The following SFMBT2 variants were observed in gnomAD, a reference collection of about 807,000 sequenced individuals.
SFMBT2 encodes Scm like with four mbt domains 2, also known as scm-like with four MBT domains protein 2.
A neutral mutation model predicts 110.1 loss-of-function variants in SFMBT2; 38 were observed. The observed-to-expected ratio is 0.35, with a 90% confidence interval of 0.27 to 0.45. SFMBT2 has a LOEUF of 0.45. Among genes scored for constraint, SFMBT2 ranks in the 20% least tolerant of loss-of-function variants. SFMBT2 has a pLI of 1.00. For missense variants in SFMBT2, 1,011 were observed against 1,094.9 expected, an observed-to-expected ratio of 0.92 and a Z score of 1.08; for synonymous variants, 425 against 425.4, an observed-to-expected ratio of 1.00 and a Z score of 0.01.
At chr10:7,228,721 TTCTTTCTTTCTTTCCTTTCTC>T (rs1564395204) in intron 9 of SFMBT2, among the ~76,000 whole-genome samples, 156 of 124,198 alleles carry the variant, frequency 1.3e-3, no homozygotes, top group Admixed American at 1.5e-3. Flanking sequence ...CTTTCTTTCT[TTCTTTCTTTCTTTCCTTTCTC>T]TCTCTCTCTC....
intron 20 of SFMBT2, among the ~76,000 whole-genome samples, chr10:7,165,352 G>T (rs1443287448): frequency 6.6e-6 from 1 of 152,114 alleles, no homozygotes; most frequent in Non-Finnish European, 1.5e-5. Context: ...TTAAACTAAC[G>T]GTTTATTTAG....
At chr10:7,271,854 C>G (rs965193418) in intron 7 of SFMBT2, among the ~76,000 whole-genome samples, 1 of 152,160 alleles carries the variant, frequency 6.6e-6, no homozygotes, top group African/African-American at 2.4e-5. Flanking sequence ...ACCATCAGAT[C>G]TCGTGAGACT....
At chr10:7,323,271 G>A (rs987876757) in intron 4 of SFMBT2, among the ~76,000 whole-genome samples, 2 of 151,986 alleles carry the variant, frequency 1.3e-5, no homozygotes, top group African/African-American at 2.4e-5. Context: ...CCAATATGGT[G>A]AAACTCCGTC....
intron 16 of SFMBT2, among the ~76,000 whole-genome samples, chr10:7,186,804 C>A (rs1410325737): frequency 6.6e-6 from 1 of 152,190 alleles, no homozygotes; most frequent in Non-Finnish European, 1.5e-5. Flanking sequence ...ACTCAACACA[C>A]AGTATCAGAG....
In SFMBT2 at chr10:7,162,064, T is replaced by A. The variant is rs1837563896; in HGVS notation, c.*1706A>T. The A allele has an allele frequency of 6.6e-6, 1 of 152,134 alleles. No individual in the cohort carries two copies. The highest frequency in any genetic ancestry group is 2.1e-4 in the South Asian group (1 of 4,828). 9.4% of individuals were successfully genotyped at this position (152,134 alleles called of 1,614,324 possible). ...CAGCGGAACACTGTAGTCCACAGGG[T>A]CTGAGTGGAGATATGGAATCGCTCA... On this transcript the variant is annotated 3_prime_UTR_variant, in exon 21 of 21. Transcript: ENST00000397167.
At chr10:7,299,335 C>T (rs148794368) in intron 4 of SFMBT2, among the ~76,000 whole-genome samples, 7 of 152,148 alleles carry the variant, frequency 4.6e-5, no homozygotes, top group African/African-American at 1.7e-4. Flanking sequence ...GCAATCTACC[C>T]GTCTGACAAA....
chr10:7,224,847 C>T (rs1490238584), intron 10 of SFMBT2, among the ~76,000 whole-genome samples: 2 of 152,164 alleles, frequency 1.3e-5, no homozygotes, highest in African/African-American at 4.8e-5. Context: ...CTGTAAGTAA[C>T]AGAGACTACT....
At chr10:7,311,642 C>G (rs1001735056) in intron 4 of SFMBT2, among the ~76,000 whole-genome samples, 4 of 152,184 alleles carry the variant, frequency 2.6e-5, no homozygotes, top group African/African-American at 4.8e-5. Context: ...CTACTCACGT[C>G]ATGTTGACAA....
intron 4 of SFMBT2, among the ~76,000 whole-genome samples, chr10:7,290,674 AT>A (rs779300826): frequency 5.8e-4 from 87 of 149,106 alleles, no homozygotes; most frequent in Middle Eastern, 3.5e-3. Flanking sequence ...CATCTCTACA[AT>A]TTTTTTTTTA....
At chr10:7,208,177 G>A (rs72773861) in intron 11 of SFMBT2, among the ~76,000 whole-genome samples, 2,286 of 152,212 alleles carry the variant, frequency 0.015, 31 homozygotes, top group South Asian at 0.044. Context: ...ATGTGGAAGT[G>A]CCTCTGCCCG....
Position 7,163,139 on chromosome 10 carries a change from A to AAACAAACAAACG in SFMBT2, c.*630_*631insCGTTTGTTTGTT. 1 of 173,684 alleles carries AAACAAACAAACG rather than the reference A, an allele frequency of 5.8e-6. No individual in the cohort carries two copies. The highest frequency in any genetic ancestry group is 1.2e-5 in the Non-Finnish European group (1 of 82,598). The allele number at this position is 173,684 out of a possible 1,614,324, so 10.8% of individuals were successfully genotyped here. On this transcript the variant is annotated 3_prime_UTR_variant, in exon 21 of 21. Coordinates refer to ENST00000397167, the MANE Select transcript of SFMBT2 (RefSeq NM_001387889.1). The surrounding 1 kb of genome is among the most constrained non-coding windows in gnomAD (Gnocchi z 4.8). ...CAAAATGAACAACAAACAAACAAAC[A>AAACAAACAAACG]AACAAACAAACCATCTAGTTGCATG...
Position 7,159,645 on chromosome 10 carries a change from G to A in SFMBT2, c.*4125C>T, listed in dbSNP as rs984178648. 1.3e-5 allele frequency: 2 copies of A among 151,988 alleles called. No individual in the cohort carries two copies. The highest frequency in any genetic ancestry group is 4.8e-5 in the African/African-American group (2 of 41,368). 9.4% of individuals were successfully genotyped at this position (151,988 alleles called of 1,614,324 possible). The stretch of plus-strand genomic sequence containing the variant: ...TATGTTGCCTTTCAAATAATTGCAC[G>A]CACGATCACAGCTTTCTAAAGACAG... On this transcript the variant is annotated 3_prime_UTR_variant, in exon 21 of 21. Coordinates refer to ENST00000397167, the MANE Select transcript of SFMBT2 (RefSeq NM_001387889.1).
chr10:7,219,908 G>A (rs1839669787), intron 11 of SFMBT2: 1 of 158,700 alleles, frequency 6.3e-6, no homozygotes, highest in African/African-American at 2.4e-5. Context: ...TAGCTATAAA[G>A]GATAGTTTCA....
chr10:7,243,985 T>C (rs1840525257), intron 8 of SFMBT2: 5 of 352,530 alleles, frequency 1.4e-5, no homozygotes, highest in Non-Finnish European at 2.0e-5. Context: ...CCAATGGCTA[T>C]AGCTTGAAGA....
At chr10:7,314,745 TA>T (rs1842938672) in intron 4 of SFMBT2, among the ~76,000 whole-genome samples, 2 of 151,840 alleles carry the variant, frequency 1.3e-5, no homozygotes, top group African/African-American at 4.8e-5. Context: ...CTGTATCTAC[TA>T]AAAATACAAA....
chr10:7,189,984 CTGAT>C (rs1313702246), intron 15 of SFMBT2, among the ~76,000 whole-genome samples: 1 of 152,196 alleles, frequency 6.6e-6, no homozygotes, highest in Non-Finnish European at 1.5e-5. Context: ...GGTTTGCACC[CTGAT>C]TTATTTGAAA....
At chr10:7,208,616 G>A (rs189724356) in intron 11 of SFMBT2, among the ~76,000 whole-genome samples, 199 of 151,896 alleles carry the variant, frequency 1.3e-3, no homozygotes, top group South Asian at 7.3e-3. Context: ...AACTTGGGAG[G>A]TGGAGGTTGC....
chr10:7,326,629 A>C (rs999293988), intron 4 of SFMBT2, among the ~76,000 whole-genome samples: 33 of 152,224 alleles, frequency 2.2e-4, no homozygotes, highest in African/African-American at 8.0e-4. Context: ...ACATTGTCTC[A>C]AAATTAATCC....
chr10:7,313,400 C>A (rs1412239742), intron 4 of SFMBT2, among the ~76,000 whole-genome samples: 2 of 152,168 alleles, frequency 1.3e-5, no homozygotes, highest in Non-Finnish European at 2.9e-5. Flanking sequence ...TCACTGCAGC[C>A]TTGACCTCCT....
Sources: gnomAD v4.1 joint callset for allele counts (sites outside exome capture counted in the v4.1 genomes callset) on GRCh38, gnomAD v4.1.1 for gene constraint, Gnocchi (gnomAD v3.1) non-coding constraint, MANE v1.5 for transcripts, NCBI Gene and HGNC (gene_info 2026-07-23, HGNC 2026-07-21) for gene names.